ST3GAL3: variants seen among roughly 807,000 people sequenced by gnomAD.
ST3GAL3 encodes the protein ST3 beta-galactoside alpha-2,3-sialyltransferase 3.
ST3GAL3 carries 21 observed loss-of-function variants against 50.1 expected under a neutral mutation model. The ratio of observed to expected loss-of-function variants is 0.42; its 90% CI spans 0.30 to 0.60. The LOEUF is 0.60. Ranked by LOEUF, ST3GAL3 falls within the 20% of genes least tolerant of loss-of-function variation. The pLI is 0.19. For synonymous variants in ST3GAL3, 183 were observed against 190.0 expected (o/e 0.96, Z 0.30); for missense variants, 353 against 489.4 (o/e 0.72, Z 2.63).
rs750838693 is a variant in ST3GAL3, at chr1:43,894,437, A to C, written c.357A>C (p.Arg119Ser). ...ATGACTCCTTTCGCAAGTGGGCTAG[A>C]ATCCGGGAGTTCGTGCCGCCTTTTG... ...FLDDSFRKWARIREFVPPFGI... is the reference protein window; with the variant it reads ...FLDDSFRKWASIREFVPPFGI... The change falls in exon 6 of 12, where the codon AGA (arginine) becomes AGC (serine). Residue 119 changes from arginine to serine, a missense_variant. Transcript: ENST00000347631. 2 of 1,614,156 alleles carry C rather than the reference A, an allele frequency of 1.2e-6. No homozygotes were observed. The highest frequency in any genetic ancestry group is 1.7e-6 in the Non-Finnish European group (2 of 1,180,016).
chr1:43,745,881 AG>A (rs1188043241), intron 2 of ST3GAL3, among the ~76,000 whole-genome samples: 2 of 152,216 alleles, frequency 1.3e-5, no homozygotes, highest in African/African-American at 4.8e-5. Context: ...TACCTGCCTC[AG>A]CCTCCCAAAG....
chr1:43,730,571 CTTTTTTT>C (rs11318191), intron 1 of ST3GAL3, among the ~76,000 whole-genome samples: 1 of 122,388 alleles, frequency 8.2e-6, no homozygotes, highest in Non-Finnish European at 1.7e-5. Flanking sequence ...TCTTTTCTTT[CTTTTTTT>C]TTTTTTTTTT....
intron 5 of ST3GAL3, among the ~76,000 whole-genome samples, chr1:43,859,804 C>T (rs1038060250): frequency 1.3e-5 from 2 of 152,202 alleles, no homozygotes; most frequent in Admixed American, 1.3e-4. Context: ...ACTGGCCTTG[C>T]TCCCATGTGT....
At chr1:43,716,960 C>T (rs1431005111) in intron 1 of ST3GAL3, among the ~76,000 whole-genome samples, 1 of 152,164 alleles carries the variant, frequency 6.6e-6, no homozygotes, top group Non-Finnish European at 1.5e-5. Context: ...TATTGCTACA[C>T]GAGCAACCTT....
chr1:43,784,640 G>A (rs747831871), intron 2 of ST3GAL3, among the ~76,000 whole-genome samples: 41 of 152,190 alleles, frequency 2.7e-4, no homozygotes, highest in Non-Finnish European at 2.4e-4. Flanking sequence ...TACCATGTCT[G>A]ATCTTTTCAT....
At chr1:43,811,559 TCCA>T (rs2060564635) in intron 3 of ST3GAL3, among the ~76,000 whole-genome samples, 1 of 152,152 alleles carries the variant, frequency 6.6e-6, no homozygotes. Flanking sequence ...CTGTCAACCC[TCCA>T]GGCAGATCTT....
intron 9 of ST3GAL3, among the ~76,000 whole-genome samples, chr1:43,904,414 C>G (rs1320034576): frequency 2.6e-5 from 4 of 152,052 alleles, no homozygotes; most frequent in African/African-American, 9.7e-5. Context: ...CACCAAGCCT[C>G]TGAGACCAGC....
chr1:43,709,980 A>G (rs571515777), intron 1 of ST3GAL3, among the ~76,000 whole-genome samples: 1 of 152,208 alleles, frequency 6.6e-6, no homozygotes, highest in South Asian at 2.1e-4. Context: ...CTCTCAACCC[A>G]GAAGCGGCAC....
intron 2 of ST3GAL3, chr1:43,743,714 A>G (rs757804572): frequency 3.8e-4 from 84 of 221,678 alleles, no homozygotes; most frequent in Non-Finnish European, 6.7e-4. Context: ...GGTGTCTACT[A>G]CAAAGGAACC....
At chr1:43,900,694 G>A (rs2078151150) in intron 9 of ST3GAL3, 1 of 152,308 alleles carries the variant, frequency 6.6e-6, no homozygotes, top group South Asian at 2.1e-4. Flanking sequence ...AGTTGGGAGT[G>A]GGAACAGCTT....
chr1:43,801,278 C>T, intron 3 of ST3GAL3: 1 of 456,202 alleles, frequency 2.2e-6, no homozygotes, highest in South Asian at 1.5e-5. Context: ...CTTCTTTGTG[C>T]CAGGTACAGT....
At chr1:43,890,571 GAC>G (rs1270149561) in intron 5 of ST3GAL3, among the ~76,000 whole-genome samples, 1 of 152,162 alleles carries the variant, frequency 6.6e-6, no homozygotes, top group African/African-American at 2.4e-5. Flanking sequence ...AAAAGAGAGA[GAC>G]GAAGTGGAAA....
rs1014027918 is a variant in ST3GAL3, at chr1:43,848,585, G to A, written c.302+10274G>A. Among the ~76,000 whole-genome samples the A allele has an allele frequency of 2.6e-5, 4 of 152,166 alleles. No homozygotes were observed. In the East Asian group the frequency reaches 7.7e-4, roughly 29 times the overall value. ...CTCCCAAAGTGCTAGGATTACAGGT[G>A]TGAGCCACCGTGCCTGGCTGTGGTT... On this transcript the variant is annotated intron_variant, in intron 5 of 11. Transcript: ENST00000347631.
intron 5 of ST3GAL3, among the ~76,000 whole-genome samples, chr1:43,889,636 A>G (rs2076435266): frequency 6.6e-6 from 1 of 152,186 alleles, no homozygotes; most frequent in African/African-American, 2.4e-5. Context: ...GTATACTGGT[A>G]TTGTTTTTCT....
intron 9 of ST3GAL3, among the ~76,000 whole-genome samples, chr1:43,903,080 G>A (rs948822134): frequency 3.9e-5 from 6 of 152,316 alleles, no homozygotes; most frequent in African/African-American, 1.4e-4. Flanking sequence ...GTGAGTGGGT[G>A]AAAGGAATTA....
At chr1:43,769,822 G>A (rs1178985659) in intron 2 of ST3GAL3, among the ~76,000 whole-genome samples, 1 of 152,158 alleles carries the variant, frequency 6.6e-6, no homozygotes, top group Non-Finnish European at 1.5e-5. Context: ...AGGTATAAAA[G>A]GATGTTGTAT....
chr1:43,906,100 C>G (rs1442301843), intron 9 of ST3GAL3, among the ~76,000 whole-genome samples: 8 of 119,064 alleles, frequency 6.7e-5, no homozygotes, highest in Non-Finnish European at 1.4e-4. Flanking sequence ...TGCTCCTCTT[C>G]CTGCCACTTT....
In ST3GAL3 at chr1:43,754,213, G is replaced by A. The variant is rs554837166; in HGVS notation, c.118+17833G>A. Among the ~76,000 whole-genome samples the A allele has an allele frequency of 5.0e-4, 76 of 152,180 alleles. No homozygotes were observed. The South Asian group carries it at 0.011, about 22-fold the overall frequency. ...ATTGTGTTTGTTTGCTTTTTGAGAC[G>A]GAATCTTGCTCTGTCACCCAGGCTG... On this transcript the variant is annotated intron_variant, in intron 2 of 11. Coordinates refer to ENST00000347631, the MANE Select transcript of ST3GAL3 (RefSeq NM_006279.5).
chr1:43,825,388 A>G (rs1460450630), intron 4 of ST3GAL3, among the ~76,000 whole-genome samples: 2 of 152,238 alleles, frequency 1.3e-5, no homozygotes, highest in East Asian at 3.9e-4. Flanking sequence ...AATCCATTTT[A>G]TATTAGTTTT....
Sources: allele counts gnomAD v4.1 joint callset (sites outside exome capture counted in the v4.1 genomes callset), GRCh38; gene constraint gnomAD v4.1.1; transcripts MANE v1.5; gene names NCBI Gene and HGNC (gene_info 2026-07-23, HGNC 2026-07-21).